The following GRIP2 variants were observed in gnomAD, a reference collection of about 807,000 sequenced individuals.
GRIP2 encodes glutamate receptor interacting protein 2.
GRIP2 carries 58 observed loss-of-function variants against 108.3 expected under a neutral mutation model. The ratio of observed to expected loss-of-function variants is 0.54; its 90% CI spans 0.43 to 0.67. The LOEUF (loss-of-function observed/expected upper bound fraction) is 0.67, where lower values mean the gene tolerates loss of function less well. GRIP2 is among the 30% of genes least tolerant of loss of function. The probability of loss-of-function intolerance (pLI) is 0.00; values close to 1 mark genes in which losing one functional copy is unlikely to be tolerated. For synonymous variants in GRIP2, 586 were observed against 598.2 expected (o/e 0.98, Z 0.30); for missense variants, 1,278 against 1,430.6 (o/e 0.89, Z 1.72).
upstream of GRIP2, among the ~76,000 whole-genome samples, chr3:14,556,413 C>A (rs1695237616): frequency 1.3e-5 from 2 of 152,232 alleles, no homozygotes; most frequent in African/African-American, 4.8e-5. Context: ...ATCCTCTCTG[C>A]CTGGGAATGT....
intron 1 of GRIP2, among the ~76,000 whole-genome samples, chr3:14,537,518 A>G (rs1360288842): frequency 3.3e-5 from 5 of 152,280 alleles, no homozygotes; most frequent in Admixed American, 2.6e-4. Context: ...GTACATGCTC[A>G]GCAAATATTT....
Position 14,511,305 on chromosome 3 carries a change from C to G in GRIP2, c.1793G>C (p.Gly598Ala). ...TAGCTTGTCGCCTGGCTCCAGGGTG[C>G]CCGTCCTGCATGAGTCGGGGGCAGA... ...IKKGSVAHRT[G>A]TLEPGDKLLA... The change falls in exon 16 of 24, where the codon GGC becomes GCC. Residue 598 changes from glycine to alanine, a missense_variant. By Grantham distance (60) the Gly-to-Ala change is moderately conservative. Coordinates refer to ENST00000621039, the MANE Select transcript of GRIP2 (RefSeq NM_001080423.4). The surrounding 1 kb of genome is among the most constrained non-coding windows in gnomAD (Gnocchi z 4.1). The G allele has an allele frequency of 1.9e-6, 3 of 1,613,962 alleles. No homozygotes were observed. The highest frequency in any genetic ancestry group is 2.5e-6 in the Non-Finnish European group (3 of 1,179,868).
chr3:14,592,688 G>A, the GRIP2 span, among the ~76,000 whole-genome samples: 10 of 152,154 alleles, frequency 6.6e-5, no homozygotes, highest in African/African-American at 1.7e-4. Context: ...AACAAGCCAC[G>A]CTTCCCCTGA....
chr3:14,496,254 G>A (rs1693597662), intron 22 of GRIP2, among the ~76,000 whole-genome samples, 163 bp downstream of exon 22: 2 of 152,258 alleles, frequency 1.3e-5, no homozygotes, highest in African/African-American at 4.8e-5. Context: ...GTGTGTGAGT[G>A]TGCATGTCAC....
At chr3:14,583,430 G>C in the GRIP2 span, among the ~76,000 whole-genome samples, 1 of 152,124 alleles carries the variant, frequency 6.6e-6, no homozygotes, top group Non-Finnish European at 1.5e-5. Flanking sequence ...AACCTTGATG[G>C]GGGCCCACCA....
chr3:14,524,377 G>A lies in GRIP2; in HGVS notation c.403+16C>T, dbSNP rs759584186. 17 of 1,606,666 alleles carry A rather than the reference G, an allele frequency of 1.1e-5. No individual in the cohort carries two copies. The highest frequency in any genetic ancestry group is 8.4e-5 in the Admixed American group (5 of 59,288). ...ACCGAGGCAGTGGAGAAAGTTCCCC[G>A]TCCAAGGGCACCCACCGGGCGGGGG... On this transcript the variant is annotated intron_variant, in intron 4 of 23. Transcript: ENST00000621039.
the GRIP2 span, among the ~76,000 whole-genome samples, chr3:14,593,760 T>G: frequency 6.6e-6 from 1 of 152,306 alleles, no homozygotes; most frequent in Non-Finnish European, 1.5e-5. Context: ...AGGACTGTCC[T>G]GGATATGCCA....
At chr3:14,514,603 G>T (rs1559339582) in intron 11 of GRIP2, 125 bp from the exon 12 acceptor site, 1 of 936,560 alleles carries the variant, frequency 1.1e-6, no homozygotes, top group Non-Finnish European at 1.6e-6. Flanking sequence ...CCCTGACTCA[G>T]TCTGGGACCA....
chr3:14,520,628 C>T (rs1416489993), intron 7 of GRIP2, 91 bp from the exon 8 acceptor site: 3 of 1,377,052 alleles, frequency 2.2e-6, no homozygotes, highest in Middle Eastern at 1.8e-4. Flanking sequence ...ATCCTTGCTG[C>T]CTGGAAGAAA....
chr3:14,531,354 C>T (rs1008644614), intron 1 of GRIP2, among the ~76,000 whole-genome samples: 1 of 152,214 alleles, frequency 6.6e-6, no homozygotes, highest in Non-Finnish European at 1.5e-5. Flanking sequence ...TCCTTACTTT[C>T]CTGTGACTGC....
rs1487105785 is a variant in GRIP2, at chr3:14,514,496, C to T, written c.1307-18G>A. The T allele has an allele frequency of 2.0e-6, 3 of 1,531,814 alleles. No individual in the cohort carries two copies. Among genetic ancestry groups the T allele is most frequent in the Admixed American group, 2.0e-5 (1 of 49,910 alleles). 94.9% of individuals were successfully genotyped at this position (1,531,814 alleles called of 1,614,324 possible). ...TAGCGACACTGTAGGACAGGTGGGC[C>T]CAGCATTCAGGTGAGCCGCCCCACG... On this transcript the variant is annotated intron_variant, in intron 11 of 23. Transcript: ENST00000621039.
chr3:14,506,061 C>T (rs1693917581), intron 19 of GRIP2, among the ~76,000 whole-genome samples: 1 of 152,202 alleles, frequency 6.6e-6, no homozygotes, highest in Non-Finnish European at 1.5e-5. Context: ...GAACATGTGG[C>T]CCACCCTCCA....
chr3:14,542,189 T>C (rs1033088712), upstream of GRIP2: 5 of 638,986 alleles, frequency 7.8e-6, no homozygotes, highest in African/African-American at 1.9e-5. Flanking sequence ...AGCGTCTCAC[T>C]CTGTCACCTG....
intron 17 of GRIP2, 49 bp downstream of exon 17, chr3:14,509,771 T>C: frequency 7.4e-7 from 1 of 1,357,118 alleles, no homozygotes; most frequent in Non-Finnish European, 9.6e-7. Flanking sequence ...AGCTCTTGCT[T>C]CCTGTGTTCC....
At chr3:14,589,865 C>A in the GRIP2 span, among the ~76,000 whole-genome samples, 1 of 151,028 alleles carries the variant, frequency 6.6e-6, no homozygotes, top group Admixed American at 6.6e-5. Flanking sequence ...ACTGCAGCCT[C>A]AACCCCACAT....
chr3:14,528,205 T>G (rs1236960335), intron 1 of GRIP2, among the ~76,000 whole-genome samples: 2 of 152,194 alleles, frequency 1.3e-5, no homozygotes, highest in Non-Finnish European at 2.9e-5. Flanking sequence ...GCATAACCAT[T>G]TGAGATTCAG....
chr3:14,512,168 C>T lies in GRIP2; in HGVS notation c.1720+609G>A, dbSNP rs560774211. Among the ~76,000 whole-genome samples the T allele has an allele frequency of 6.6e-6, 1 of 152,250 alleles. No individual in the cohort carries two copies. The highest frequency in any genetic ancestry group is 1.9e-4 in the East Asian group (1 of 5,170). On this transcript the variant is annotated intron_variant, in intron 14 of 23. Transcript: ENST00000621039. The surrounding 1 kb of genome is among the most constrained non-coding windows in gnomAD (Gnocchi z 5.1). Reference sequence around the variant, plus strand: ...AGGCCCAGAGGCAGGAAGGGGCAGGCATGGCAGGGAGCAGCCAGGCTGACT... The same window carrying T: ...AGGCCCAGAGGCAGGAAGGGGCAGGTATGGCAGGGAGCAGCCAGGCTGACT...
In GRIP2 at chr3:14,523,558, T is replaced by G. The variant is rs748590691; in HGVS notation, c.490+54A>C. The G allele has an allele frequency of 2.7e-6, 3 of 1,103,966 alleles. No individual in the cohort carries two copies. The East Asian group carries it at 7.3e-5, about 27-fold the overall frequency. The allele number at this position is 1,103,966 out of a possible 1,614,324, so 68.4% of individuals were successfully genotyped here. ...AATCCAAACAGCACACACATGGAATTAGTATTAGCCTCTTTCTTGCTGCCC... is the reference window on the plus strand; with the variant it reads ...AATCCAAACAGCACACACATGGAATGAGTATTAGCCTCTTTCTTGCTGCCC... On this transcript the variant is annotated intron_variant, in intron 5 of 23. Transcript: ENST00000621039.
the GRIP2 span, among the ~76,000 whole-genome samples, chr3:14,576,923 C>A: frequency 2.0e-5 from 3 of 152,236 alleles, no homozygotes; most frequent in African/African-American, 7.2e-5. Context: ...AGCTTTTCCA[C>A]TTTCAGTCTT....
Sources: gnomAD v4.1 joint callset for allele counts (sites outside exome capture counted in the v4.1 genomes callset) on GRCh38, gnomAD v4.1.1 for gene constraint, Gnocchi (gnomAD v3.1) non-coding constraint, MANE v1.5 for transcripts, NCBI Gene and HGNC (gene_info 2026-07-23, HGNC 2026-07-21) for gene names.